Variants in ADGB observed in about 807,000 individuals in gnomAD.
The protein encoded by ADGB is androglobin, also known as calpain-7-like protein.
ADGB carries 172 observed loss-of-function variants against 210.5 expected under a neutral mutation model. The ratio of observed to expected loss-of-function variants is 0.82; its 90% CI spans 0.72 to 0.93. The LOEUF (loss-of-function observed/expected upper bound fraction) is 0.93. Among genes scored for constraint, ADGB ranks in the 40% least tolerant of loss-of-function variants. The pLI is 0.00. For synonymous variants in ADGB, 658 were observed against 662.7 expected, an observed-to-expected ratio of 0.99 and a Z score of 0.11; for missense variants, 2,025 against 1,964.8, an observed-to-expected ratio of 1.03 and a Z score of -0.58.
intron 3 of ADGB, among the ~76,000 whole-genome samples, chr6:146,653,521 A>T (rs1245026537): frequency 6.6e-6 from 1 of 152,138 alleles, no homozygotes; most frequent in Non-Finnish European, 1.5e-5. Flanking sequence ...TCTCACTTAT[A>T]AGTGGGAGCT....
rs1235290647 is a variant in ADGB, at chr6:146,813,023, T to C, written c.4819-2009T>C. ...GGGGGATCTGAGATTTTTATTTTCCTTTAGAGTTGTAATCATCAAAATATG... is the reference window on the plus strand; with the variant it reads ...GGGGGATCTGAGATTTTTATTTTCCCTTAGAGTTGTAATCATCAAAATATG... On this transcript the variant is annotated intron_variant, in intron 35 of 35. Transcript: ENST00000397944. Among the ~76,000 whole-genome samples the C allele has an allele frequency of 2.0e-5, 3 of 152,310 alleles. No individual in the cohort carries two copies. The East Asian group carries it at 5.8e-4, about 29-fold the overall frequency.
intron 1 of ADGB, among the ~76,000 whole-genome samples, chr6:146,610,290 GA>G (rs760864910): frequency 8.5e-5 from 13 of 152,124 alleles, no homozygotes; most frequent in Non-Finnish European, 1.6e-4. Context: ...ACTTTGTCCT[GA>G]ATCTCCGCAA....
chr6:146,780,647 A>G (rs1452544344), intron 29 of ADGB, among the ~76,000 whole-genome samples: 2 of 152,194 alleles, frequency 1.3e-5, no homozygotes, highest in Non-Finnish European at 2.9e-5. Flanking sequence ...CAAGCAATAG[A>G]GCAATTATAA....
intron 7 of ADGB, among the ~76,000 whole-genome samples, chr6:146,670,254 T>C (rs1775988916): frequency 6.6e-6 from 1 of 152,018 alleles, no homozygotes; most frequent in Admixed American, 6.6e-5. Flanking sequence ...CTTTCAGTGT[T>C]TAACTATTAC....
At chr6:146,622,096 A>C (rs80083997) in intron 1 of ADGB, among the ~76,000 whole-genome samples, 41 of 152,268 alleles carry the variant, frequency 2.7e-4, no homozygotes, top group African/African-American at 8.7e-4. Context: ...GGTATACAAC[A>C]GTAGCTAATT....
chr6:146,743,775 G>A (rs572812161), intron 25 of ADGB, among the ~76,000 whole-genome samples: 13 of 152,234 alleles, frequency 8.5e-5, no homozygotes, highest in Middle Eastern at 3.4e-3. Flanking sequence ...TTAGCCAGGC[G>A]TGGTGGCGTG....
intron 29 of ADGB, among the ~76,000 whole-genome samples, chr6:146,776,160 C>G (rs540117237): frequency 3.0e-4 from 45 of 152,116 alleles, no homozygotes; most frequent in Non-Finnish European, 5.6e-4. Flanking sequence ...AGCACTTCCT[C>G]TCTTCCAGGG....
intron 13 of ADGB, among the ~76,000 whole-genome samples, chr6:146,713,664 T>C (rs1776689913): frequency 6.6e-6 from 1 of 152,214 alleles, no homozygotes; most frequent in East Asian, 1.9e-4. Context: ...AGATATGTAA[T>C]TTGCAAATAT....
At chr6:146,771,007 G>A (rs963328168) in intron 29 of ADGB, among the ~76,000 whole-genome samples, 8 of 152,064 alleles carry the variant, frequency 5.3e-5, no homozygotes, top group African/African-American at 1.9e-4. Flanking sequence ...GTCTGAAACA[G>A]CAGACAAGGC....
Position 146,630,823 on chromosome 6 carries a change from A to G in ADGB, c.75-4552A>G, listed in dbSNP as rs1781054336. On this transcript the variant is annotated intron_variant, in intron 1 of 35. Coordinates refer to ENST00000397944, the MANE Select transcript of ADGB (RefSeq NM_024694.4). ...CCTAAGCACAGAAAGATTATAAGAA[A>G]GCTAACTTTTCACTGAGACTTGAGT... 2.0e-5 allele frequency among the ~76,000 whole-genome samples: 3 copies of G among 152,300 alleles called. No homozygotes were observed. The South Asian group carries it at 6.2e-4, about 32-fold the overall frequency.
intron 16 of ADGB, among the ~76,000 whole-genome samples, chr6:146,720,917 G>A (rs1232712720): frequency 6.6e-6 from 1 of 152,138 alleles, no homozygotes; most frequent in Non-Finnish European, 1.5e-5. Context: ...GCCAAACCAC[G>A]ACAGGTATAT....
Position 146,784,673 on chromosome 6 carries a change from G to A in ADGB, c.4091G>A (p.Arg1364Lys). The A allele has an allele frequency of 6.4e-7, 1 of 1,551,308 alleles. No individual in the cohort carries two copies. Among genetic ancestry groups the A allele is most frequent in the East Asian group, 2.4e-5 (1 of 40,888 alleles). The change falls in exon 31 of 36, where the codon AGG becomes AAG. Residue 1364 changes from arginine (R) to lysine (K), a missense_variant. Arg to Lys is a conservative substitution (Grantham distance 26). Coordinates refer to ENST00000397944, the MANE Select transcript of ADGB (RefSeq NM_024694.4). Reference sequence around the variant, plus strand: ...CCAAATAAACCCTACTGGATTTTGAGGTTGGTCACTGAACACAATGAATCA... The same window carrying A: ...CCAAATAAACCCTACTGGATTTTGAAGTTGGTCACTGAACACAATGAATCA... ...EDPNKPYWIL[R>K]LVTEHNESEL...
chr6:146,667,075 CTATTT>C (rs1775947445), intron 7 of ADGB, among the ~76,000 whole-genome samples, 173 bp downstream of exon 7: 2 of 151,896 alleles, frequency 1.3e-5, no homozygotes, highest in African/African-American at 4.8e-5. Flanking sequence ...AGGGTAAATT[CTATTT>C]CCTTATGTAG....
intron 35 of ADGB, among the ~76,000 whole-genome samples, chr6:146,809,049 G>T (rs1778258316): frequency 1.3e-5 from 1 of 77,106 alleles, no homozygotes; most frequent in South Asian, 3.6e-4. Context: ...AAAAGGGCAG[G>T]CGCATATCTA....
chr6:146,809,986 C>T (rs925473875), intron 35 of ADGB, among the ~76,000 whole-genome samples: 1 of 150,910 alleles, frequency 6.6e-6, no homozygotes, highest in Admixed American at 6.6e-5. Flanking sequence ...AAAGCTGCTG[C>T]ACAGCAAAGA....
Position 146,692,932 on chromosome 6 carries a change from T to G in ADGB, c.1577+17T>G. The stretch of plus-strand genomic sequence containing the variant: ...AACAGAAATGTAAGTATTAACATTC[T>G]TCCTCACAAATGTGTCTTGTTAGTA... On this transcript the variant is annotated intron_variant, in intron 12 of 35. Coordinates refer to ENST00000397944, the MANE Select transcript of ADGB (RefSeq NM_024694.4). 1 of 1,339,808 alleles carries G rather than the reference T, an allele frequency of 7.5e-7. No individual in the cohort carries two copies. Among genetic ancestry groups the G allele is most frequent in the Non-Finnish European group, 1.0e-6 (1 of 963,950 alleles). 83.0% of individuals were successfully genotyped at this position (1,339,808 alleles called of 1,614,324 possible). A position where few individuals can be genotyped will look rare whatever the true frequency, so the allele number is the denominator to read the frequency against.
At chr6:146,686,405 A>G (rs953630588) in intron 10 of ADGB, among the ~76,000 whole-genome samples, 21 of 152,102 alleles carry the variant, frequency 1.4e-4, no homozygotes, top group African/African-American at 3.4e-4. Flanking sequence ...CATAGGCCCT[A>G]TTAACATTTT....
At chr6:146,661,922 G>A (rs1775866607) in intron 5 of ADGB, among the ~76,000 whole-genome samples, 1 of 152,026 alleles carries the variant, frequency 6.6e-6, no homozygotes, top group Admixed American at 6.6e-5. Context: ...GGTATTTAGT[G>A]TGCCATTAAT....
At chr6:146,765,997 A>G (rs1040873520) in intron 28 of ADGB, among the ~76,000 whole-genome samples, 1 of 152,172 alleles carries the variant, frequency 6.6e-6, no homozygotes, top group Non-Finnish European at 1.5e-5. Flanking sequence ...AAAAAGAGAA[A>G]AAGAAGATAT....
Sources: gnomAD v4.1 joint callset for allele counts (sites outside exome capture counted in the v4.1 genomes callset) on GRCh38, gnomAD v4.1.1 for gene constraint, MANE v1.5 for transcripts, NCBI Gene and HGNC (gene_info 2026-07-23, HGNC 2026-07-21) for gene names.